LEKR1: variants seen among roughly 807,000 people sequenced by gnomAD.
The protein encoded by LEKR1 is protein LEKR1.
A neutral mutation model predicts 72.4 loss-of-function variants in LEKR1; 59 were observed. That is an observed-to-expected ratio of 0.82 (90% CI 0.66 to 1.01). The LOEUF (loss-of-function observed/expected upper bound fraction) is 1.01, where lower values mean the gene tolerates loss of function less well. Among genes scored for constraint, LEKR1 ranks in the 50% least tolerant of loss-of-function variants. The pLI is 0.00. For missense variants in LEKR1, 728 were observed against 759.2 expected, an observed-to-expected ratio of 0.96 and a Z score of 0.48; for synonymous variants, 257 against 263.2, an observed-to-expected ratio of 0.98 and a Z score of 0.23.
chr3:156,960,811 G>T (rs1270420022), intron 6 of LEKR1, among the ~76,000 whole-genome samples: 1 of 152,112 alleles, frequency 6.6e-6, no homozygotes, highest in Non-Finnish European at 1.5e-5. Context: ...TCATAGAAAA[G>T]CCAACATATG....
At chr3:156,867,368 A>C (rs1717428462) in intron 3 of LEKR1, among the ~76,000 whole-genome samples, 1 of 152,096 alleles carries the variant, frequency 6.6e-6, no homozygotes. Flanking sequence ...TTAAGAAAAT[A>C]ACTCATTTCT....
Position 157,028,384 on chromosome 3 carries a change from T to C in LEKR1, c.1650T>C (p.Phe550=). 1 of 1,604,514 alleles carries C rather than the reference T, an allele frequency of 6.2e-7. No individual in the cohort carries two copies. The highest frequency in any genetic ancestry group is 8.5e-7 in the Non-Finnish European group (1 of 1,174,970). ...CTCAAACACAACTGATAGAGCAATT[T>C]AACCAGTCCCAGGAAGAGGTAGGAA... ...MLAQTQLIEQ[F]NQSQEENTFL... The change falls in exon 12 of 13, where the codon TTT becomes TTC. Residue 550 remains phenylalanine, a synonymous_variant. Transcript: ENST00000356539.
At chr3:156,948,187 G>A (rs2107973284) in intron 6 of LEKR1, among the ~76,000 whole-genome samples, 1 of 151,032 alleles carries the variant, frequency 6.6e-6, no homozygotes, top group Non-Finnish European at 1.5e-5. Flanking sequence ...GCTATTATAT[G>A]TTCTTTAATA....
intron 11 of LEKR1, 135 bp from the exon 12 acceptor site, chr3:157,027,967 CT>C (rs1734326792): frequency 1.9e-6 from 1 of 515,228 alleles, no homozygotes; most frequent in African/African-American, 2.0e-5. Context: ...TCTTGAAGGC[CT>C]GCACATCATG....
chr3:156,891,026 ATT>A (rs11407482), intron 3 of LEKR1, among the ~76,000 whole-genome samples: 16 of 137,530 alleles, frequency 1.2e-4, no homozygotes, highest in Admixed American at 7.3e-5. Flanking sequence ...TGGCCGGCTA[ATT>A]TTTTTTTTTT....
At chr3:156,910,581 A>C (rs1347616441) in intron 3 of LEKR1, among the ~76,000 whole-genome samples, 1 of 152,214 alleles carries the variant, frequency 6.6e-6, no homozygotes, top group Non-Finnish European at 1.5e-5. Context: ...ACAAACCTGC[A>C]CATATATGCC....
At chr3:157,008,816 ATAT>A (rs1376751959) in intron 9 of LEKR1, among the ~76,000 whole-genome samples, 1 of 152,182 alleles carries the variant, frequency 6.6e-6, no homozygotes, top group African/African-American at 2.4e-5. Context: ...TTTGTGCTCA[ATAT>A]TATGTTCCTG....
chr3:156,936,374 T>C (rs1290559226), intron 5 of LEKR1, among the ~76,000 whole-genome samples: 1 of 151,244 alleles, frequency 6.6e-6, no homozygotes, highest in African/African-American at 2.4e-5. Flanking sequence ...ATATCCTGAC[T>C]CTGCCACTTA....
intron 3 of LEKR1, among the ~76,000 whole-genome samples, chr3:156,901,883 A>G (rs1722072711): frequency 6.6e-6 from 1 of 152,020 alleles, no homozygotes; most frequent in South Asian, 2.1e-4. Flanking sequence ...ACAGGGTTTC[A>G]TTATGTTGGC....
intron 3 of LEKR1, among the ~76,000 whole-genome samples, chr3:156,900,387 C>T (rs1289786226): frequency 1.3e-5 from 2 of 152,300 alleles, no homozygotes; most frequent in East Asian, 3.9e-4. Flanking sequence ...CTAGGCAAAT[C>T]TTCATACCAA....
intron 6 of LEKR1, among the ~76,000 whole-genome samples, chr3:156,971,870 G>T (rs1443350628): frequency 6.6e-6 from 1 of 152,178 alleles, no homozygotes; most frequent in Admixed American, 6.5e-5. Context: ...TAGAGAAATA[G>T]CAACACTTTT....
At chr3:157,031,102 G>A (rs1219623750) in intron 12 of LEKR1, among the ~76,000 whole-genome samples, 2 of 152,098 alleles carry the variant, frequency 1.3e-5, no homozygotes, top group Admixed American at 6.6e-5. Context: ...CATTAAGGGG[G>A]CGTTTTAAAG....
At chr3:156,909,514 G>T (rs1435074104) in intron 3 of LEKR1, among the ~76,000 whole-genome samples, 1 of 152,026 alleles carries the variant, frequency 6.6e-6, no homozygotes, top group African/African-American at 2.4e-5. Flanking sequence ...AGCTGGGTGT[G>T]GTGGCATGCG....
chr3:156,851,578 A>G (rs1715368723), intron 2 of LEKR1, among the ~76,000 whole-genome samples: 1 of 152,218 alleles, frequency 6.6e-6, no homozygotes, highest in African/African-American at 2.4e-5. Flanking sequence ...AGTAGTTGAT[A>G]TAATCATTAA....
intron 9 of LEKR1, among the ~76,000 whole-genome samples, chr3:157,005,569 G>A (rs1406132195): frequency 6.6e-6 from 1 of 152,080 alleles, no homozygotes; most frequent in Non-Finnish European, 1.5e-5. Context: ...TTAGCAAATT[G>A]AAGGGGCTAA....
At chr3:156,899,409 C>T (rs1416904576) in intron 3 of LEKR1, among the ~76,000 whole-genome samples, 5 of 59,414 alleles carry the variant, frequency 8.4e-5, no homozygotes, top group African/African-American at 3.2e-4. Context: ...TACATATATA[C>T]ATATATACAC....
intron 9 of LEKR1, among the ~76,000 whole-genome samples, chr3:157,002,092 T>G (rs1732063029): frequency 1.3e-5 from 2 of 152,186 alleles, no homozygotes; most frequent in Admixed American, 6.5e-5. Flanking sequence ...GTAATCTTCT[T>G]TATTAGATTC....
chr3:156,950,241 C>A (rs1350816239), intron 6 of LEKR1, among the ~76,000 whole-genome samples: 3 of 151,338 alleles, frequency 2.0e-5, no homozygotes, highest in Non-Finnish European at 4.4e-5. Flanking sequence ...TTACTACAGC[C>A]TGGTAGTATA....
At chr3:156,973,192 T>A (rs1729393853) in intron 6 of LEKR1, among the ~76,000 whole-genome samples, 1 of 152,176 alleles carries the variant, frequency 6.6e-6, no homozygotes, top group South Asian at 2.1e-4. Flanking sequence ...TTTCAGTGAT[T>A]ATTTTTTAAT....
Sources: allele counts gnomAD v4.1 joint callset (sites outside exome capture counted in the v4.1 genomes callset), GRCh38; gene constraint gnomAD v4.1.1; transcripts MANE v1.5; gene names NCBI Gene and HGNC (gene_info 2026-07-23, HGNC 2026-07-21).